The following VPS41 variants were observed in gnomAD, a reference collection of about 807,000 sequenced individuals.
VPS41 encodes vacuolar protein sorting-associated protein 41 homolog.
In VPS41, 85 loss-of-function variants were observed where a neutral mutation model predicts 130.9. That is an observed-to-expected ratio of 0.65 (90% CI 0.55 to 0.78). The LOEUF is 0.78. VPS41 is among the 30% of genes least tolerant of loss of function. The pLI, the probability that VPS41 is intolerant of heterozygous loss-of-function variation, is 0.00. For synonymous variants in VPS41, 335 were observed against 332.9 expected (o/e 1.01, Z -0.07); for missense variants, 874 against 1,018.7 (o/e 0.86, Z 1.93).
chr7:38,760,253 TA>T (rs1296109220), intron 17 of VPS41, among the ~76,000 whole-genome samples: 1 of 152,180 alleles, frequency 6.6e-6, no homozygotes, highest in Non-Finnish European at 1.5e-5. Flanking sequence ...TAAAGAGAAT[TA>T]AAAACATCCA....
intron 2 of VPS41, among the ~76,000 whole-genome samples, chr7:38,876,385 A>C (rs965659269): frequency 3.3e-5 from 5 of 152,226 alleles, no homozygotes; most frequent in African/African-American, 1.2e-4. Flanking sequence ...AATTTTATTT[A>C]AGAAATGTAT....
intron 14 of VPS41, among the ~76,000 whole-genome samples, chr7:38,768,389 C>A (rs1784089240): frequency 6.6e-6 from 1 of 150,804 alleles, no homozygotes; most frequent in Non-Finnish European, 1.5e-5. Context: ...ATAAGAAATA[C>A]CTTCTTGGAT....
At chr7:38,817,160 A>T (rs1562596987) in intron 7 of VPS41, among the ~76,000 whole-genome samples, 1 of 152,148 alleles carries the variant, frequency 6.6e-6, no homozygotes, top group East Asian at 1.9e-4. Flanking sequence ...ATTTTCTACA[A>T]GGAAAAAAAA....
intron 25 of VPS41, among the ~76,000 whole-genome samples, chr7:38,740,692 C>T (rs1055111573): frequency 6.6e-6 from 1 of 152,150 alleles, no homozygotes; most frequent in African/African-American, 2.4e-5. Context: ...GTGAAGGCTG[C>T]ATGATCTCTC....
rs564059477 is a variant in VPS41 at position 38,795,728 on chromosome 7, T to G, written c.571-117A>C. The G allele has an allele frequency of 1.1e-5, 10 of 919,154 alleles. No homozygotes were observed. The South Asian group carries it at 2.2e-4, about 20-fold the overall frequency. The allele number at this position is 919,154 out of a possible 1,614,324, so 56.9% of individuals were successfully genotyped here. Reference sequence around the variant, plus strand: ...AGCACGGAGAAATATTAGCAGTGTTTACTGAGCATGCAAGGAAAATGCTCC... The same window carrying G: ...AGCACGGAGAAATATTAGCAGTGTTGACTGAGCATGCAAGGAAAATGCTCC... On this transcript the variant is annotated intron_variant, in intron 8 of 28. Transcript: ENST00000310301.
chr7:38,824,074 G>A (rs779508038), intron 5 of VPS41, among the ~76,000 whole-genome samples: 1 of 152,152 alleles, frequency 6.6e-6, no homozygotes, highest in African/African-American at 2.4e-5. Context: ...TTAATGGAGT[G>A]AATCAACAAA....
At chr7:38,858,858 G>C (rs1375592120) in intron 4 of VPS41, among the ~76,000 whole-genome samples, 1 of 152,096 alleles carries the variant, frequency 6.6e-6, no homozygotes, top group African/African-American at 2.4e-5. Flanking sequence ...TTGGTATTTA[G>C]AATATATTCC....
intron 2 of VPS41, among the ~76,000 whole-genome samples, chr7:38,892,554 A>G (rs1786889513): frequency 6.6e-6 from 1 of 152,210 alleles, no homozygotes; most frequent in Non-Finnish European, 1.5e-5. Flanking sequence ...ACCTGCCTCT[A>G]ACAAGCAGTA....
rs1242982391 is a variant in VPS41 at position 38,743,442 on chromosome 7, C to G, written c.2082G>C (p.Glu694Asp). Residue 694 changes from glutamate to aspartate, a missense_variant, in exon 24 of 29, where the codon GAG becomes GAC. By Grantham distance (45) the Glu-to-Asp change is conservative. Transcript: ENST00000310301. ...IEFAKEQDDG[E>D]LWEDLILYSI... is the part of the protein sequence containing the mutation. ...AATATAAAATCAAATCTTCCCACAG[C>G]TCTCCATCATCTTGCTCCTTGGCAA... 4 of 1,613,876 alleles carry G rather than the reference C, an allele frequency of 2.5e-6. No homozygotes were observed. The highest frequency in any genetic ancestry group is 1.3e-5 in the African/African-American group (1 of 74,932).
At chr7:38,818,885 T>C in intron 6 of VPS41, among the ~76,000 whole-genome samples, 1 of 152,182 alleles carries the variant, frequency 6.6e-6, no homozygotes, top group East Asian at 1.9e-4. Flanking sequence ...ATGGAATAGA[T>C]TCCTCTTCCT....
chr7:38,853,612 A>G (rs933841166), intron 4 of VPS41, among the ~76,000 whole-genome samples: 2 of 151,596 alleles, frequency 1.3e-5, no homozygotes, highest in African/African-American at 2.4e-5. Context: ...TTACTTTGCA[A>G]TAATGGCCTT....
At chr7:38,742,828 G>A (rs1232162884) in intron 24 of VPS41, among the ~76,000 whole-genome samples, 1 of 151,770 alleles carries the variant, frequency 6.6e-6, no homozygotes, top group African/African-American at 2.4e-5. Context: ...AAAGAGTTGG[G>A]TTTCTGTTAG....
At position 38,754,708 on chromosome 7, in the gene VPS41, C is replaced by G; in HGVS notation, c.1782G>C (p.Gln594His). Residue 594 changes from glutamine (Q) to histidine (H), a missense_variant, in exon 21 of 29, where the codon CAG (glutamine) becomes CAC (histidine). Transcript: ENST00000310301. Reference protein sequence around the residue: ...VEELEDRPELQHVYLHKLFKR... With the variant: ...VEELEDRPELHHVYLHKLFKR... ...AGGAGACTGCCATGCTCACCACATG[C>G]TGTAGCTCTGGTCTGTCTTCCAATT... 6.2e-7 allele frequency: 1 copy of G among 1,613,470 alleles called. No individual in the cohort carries two copies. Among genetic ancestry groups the G allele is most frequent in the Non-Finnish European group, 8.5e-7 (1 of 1,179,604 alleles).
intron 10 of VPS41, among the ~76,000 whole-genome samples, chr7:38,783,009 T>C (rs1210158047): frequency 6.6e-6 from 1 of 151,918 alleles, no homozygotes; most frequent in Admixed American, 6.6e-5. Context: ...CCCCAGCTAC[T>C]TGGGAGGCTG....
intron 2 of VPS41, 35 bp from the exon 3 acceptor site, chr7:38,869,288 G>C: frequency 6.7e-7 from 1 of 1,486,964 alleles, no homozygotes. Flanking sequence ...ACACCCGTCA[G>C]AGATTTATTT....
chr7:38,762,527 C>T (rs1783943481), intron 17 of VPS41, among the ~76,000 whole-genome samples: 1 of 152,174 alleles, frequency 6.6e-6, no homozygotes, highest in South Asian at 2.1e-4. Flanking sequence ...TCCAATATTA[C>T]TTCATGTCTT....
In VPS41 at chr7:38,811,596, T is replaced by TAC. The variant is rs35859906; in HGVS notation, c.450+6219_450+6220dup. On this transcript the variant is annotated intron_variant, in intron 7 of 28. Transcript: ENST00000310301. Reference sequence around the variant, plus strand: ...CACTTTTAAAAGACTTGTTTTGTCATACACACACACACACACACACACACC... The same window carrying TAC: ...CACTTTTAAAAGACTTGTTTTGTCATACACACACACACACACACACACACACC... Among the ~76,000 whole-genome samples, 1,308 of 148,658 alleles carry TAC rather than the reference T, an allele frequency of 8.8e-3. 11 individuals carry two copies. Among genetic ancestry groups the TAC allele is most frequent in the African/African-American group, 0.023 (948 of 40,652 alleles).
intron 21 of VPS41, 28 bp downstream of exon 21, chr7:38,754,674 G>T: frequency 6.2e-7 from 1 of 1,605,282 alleles, no homozygotes; most frequent in Non-Finnish European, 8.5e-7. Flanking sequence ...CAATCAAAAG[G>T]GCAAAAGGAG....
At chr7:38,747,833 T>C (rs1393596742) in intron 22 of VPS41, among the ~76,000 whole-genome samples, 1 of 152,232 alleles carries the variant, frequency 6.6e-6, no homozygotes, top group African/African-American at 2.4e-5. Flanking sequence ...TGCTGTAGAA[T>C]ATGCCATAGA....
Sources: allele counts gnomAD v4.1 joint callset (sites outside exome capture counted in the v4.1 genomes callset), GRCh38; gene constraint gnomAD v4.1.1; transcripts MANE v1.5; gene names NCBI Gene and HGNC (gene_info 2026-07-23, HGNC 2026-07-21).